The following RAP1GAP2 variants were observed in gnomAD, a reference collection of about 807,000 sequenced individuals.
RAP1GAP2 encodes the protein RAP1 GTPase activating protein 2.
Under a neutral mutation model 95.0 loss-of-function variants are expected in RAP1GAP2, and 27 were observed. The ratio of observed to expected loss-of-function variants is 0.28; its 90% confidence interval spans 0.21 to 0.39. The LOEUF (loss-of-function observed/expected upper bound fraction) is 0.39, where lower values mean the gene tolerates loss of function less well. Ranked by LOEUF, RAP1GAP2 falls within the 10% of genes least tolerant of loss-of-function variation. The pLI, the probability that RAP1GAP2 is intolerant of heterozygous loss-of-function variation, is 1.00. For missense variants in RAP1GAP2, 771 were observed against 970.0 expected, an observed-to-expected ratio of 0.79 and a Z score of 2.72; for synonymous variants, 373 against 380.9, an observed-to-expected ratio of 0.98 and a Z score of 0.24.
chr17:2,824,424 G>A (rs2070449228), intron 2 of RAP1GAP2, among the ~76,000 whole-genome samples: 1 of 147,292 alleles, frequency 6.8e-6, no homozygotes, highest in Non-Finnish European at 1.5e-5. Flanking sequence ...TCCAGCCTGG[G>A]TGACAGAGCT....
chr17:3,015,956 G>A (rs191502360), intron 17 of RAP1GAP2, among the ~76,000 whole-genome samples: 5 of 152,244 alleles, frequency 3.3e-5, no homozygotes, highest in East Asian at 1.9e-4. Context: ...GAAGGGGAGC[G>A]GGGCCCACAC....
At chr17:3,022,837 C>G (rs2047001721) in intron 19 of RAP1GAP2, among the ~76,000 whole-genome samples, 1 of 152,154 alleles carries the variant, frequency 6.6e-6, no homozygotes, top group Non-Finnish European at 1.5e-5. Context: ...AGCATTTCCC[C>G]AATGTTTTCT....
rs927804740 is a variant in RAP1GAP2, at chr17:2,902,132, C to T, written c.81-3152C>T. Among the ~76,000 whole-genome samples the T allele has an allele frequency of 1.3e-5, 2 of 152,174 alleles. No individual in the cohort carries two copies. The highest frequency in any genetic ancestry group is 4.8e-5 in the African/African-American group (2 of 41,442). ...GGCGGGGTCGGCAAGCCTCAGCATG[C>T]GTTGGCTTGCAGCCGCATCACTCCT... is the stretch of plus-strand genomic sequence containing the variant. On this transcript the variant is annotated intron_variant, in intron 2 of 24. Coordinates refer to ENST00000254695, the MANE Select transcript of RAP1GAP2 (RefSeq NM_015085.5). This position sits in a 1 kb window ranked among gnomAD's most constrained non-coding sequence, Gnocchi z 4.1.
chr17:2,824,988 A>G lies in RAP1GAP2; in HGVS notation c.80+24438A>G, dbSNP rs368850694. 3.3e-3 allele frequency among the ~76,000 whole-genome samples: 508 copies of G among 152,218 alleles called. 3 individuals carry two copies. The highest frequency in any genetic ancestry group is 0.012 in the African/African-American group (483 of 41,574). On this transcript the variant is annotated intron_variant, in intron 2 of 24. Coordinates refer to ENST00000254695, the MANE Select transcript of RAP1GAP2 (RefSeq NM_015085.5). ...GAGACAAGGTGTTGCTCTGTCCCCC[A>G]GGCTGGAGTGCAGTGGCATAATTGT...
chr17:2,791,762 TGCTGAGAGTCA>T (rs2068930737), upstream of RAP1GAP2, among the ~76,000 whole-genome samples: 1 of 152,082 alleles, frequency 6.6e-6, no homozygotes, highest in Non-Finnish European at 1.5e-5. Context: ...CCCCGCTGGC[TGCTGAGAGTCA>T]GCTGAGCTCT....
At position 3,005,311 on chromosome 17, in the gene RAP1GAP2, G is replaced by T; in HGVS notation, c.1201-58G>T. ...TAGCTTTGTAAGGAGCGTGGCTCCC[G>T]TAGGGGCAGCGCTCGTCTCTTCCCT... On this transcript the variant is annotated intron_variant, in intron 14 of 24. Coordinates refer to ENST00000254695, the MANE Select transcript of RAP1GAP2 (RefSeq NM_015085.5). The surrounding 1 kb of genome is among the most constrained non-coding windows in gnomAD (Gnocchi z 5.2). 1.3e-6 allele frequency: 2 copies of T among 1,522,730 alleles called. No homozygotes were observed. Among genetic ancestry groups the T allele is most frequent in the Non-Finnish European group, 1.8e-6 (2 of 1,096,774 alleles). The allele number at this position is 1,522,730 out of a possible 1,614,324, so 94.3% of individuals were successfully genotyped here. A position where few individuals can be genotyped will look rare whatever the true frequency, so the allele number is the denominator to read the frequency against.
At chr17:2,820,061 G>A (rs890914743) in intron 2 of RAP1GAP2, among the ~76,000 whole-genome samples, 3 of 152,122 alleles carry the variant, frequency 2.0e-5, no homozygotes, top group Non-Finnish European at 2.9e-5. Flanking sequence ...GATTACAGGC[G>A]GGAGCCACCA....
At chr17:2,956,467 C>T (rs1333224756) in intron 3 of RAP1GAP2, among the ~76,000 whole-genome samples, 1 of 152,182 alleles carries the variant, frequency 6.6e-6, no homozygotes, top group African/African-American at 2.4e-5. Flanking sequence ...CAGTTCTGGC[C>T]CATGGGTGCC....
chr17:2,760,199 A>G (rs1223406911), intron 1 of RAP1GAP2, among the ~76,000 whole-genome samples: 1 of 132,564 alleles, frequency 7.5e-6, no homozygotes, highest in African/African-American at 2.8e-5. Context: ...AGGCTGAGGC[A>G]GGAGAATGGT....
At chr17:2,885,470 T>C (rs2073462229) in intron 2 of RAP1GAP2, among the ~76,000 whole-genome samples, 1 of 152,184 alleles carries the variant, frequency 6.6e-6, no homozygotes, top group Non-Finnish European at 1.5e-5. Flanking sequence ...CAGGAGCTGT[T>C]CAGAGGCTAG....
chr17:2,760,578 T>A (rs947904422), intron 1 of RAP1GAP2, among the ~76,000 whole-genome samples: 3 of 151,042 alleles, frequency 2.0e-5, no homozygotes, highest in African/African-American at 4.8e-5. Context: ...TGACCTCAGG[T>A]GATCCATCGA....
chr17:2,780,719 A>G (rs2068626719), intron 1 of RAP1GAP2, among the ~76,000 whole-genome samples: 2 of 152,262 alleles, frequency 1.3e-5, no homozygotes, highest in South Asian at 4.1e-4. Flanking sequence ...CGCCGTCTTC[A>G]TTACAGCCAT....
At position 2,886,633 on chromosome 17, in the gene RAP1GAP2, C is replaced by T. The variant is rs191462296; in HGVS notation, c.81-18651C>T. On this transcript the variant is annotated intron_variant, in intron 2 of 24. Transcript: ENST00000254695. ...ATAACTTTCTCTTAGAAAAACATAA[C>T]GCCTGTCTCAGGCGCTTTCCCACGC... Among the ~76,000 whole-genome samples, 369 of 152,314 alleles carry T rather than the reference C, an allele frequency of 2.4e-3. 2 individuals are homozygous for T. Among genetic ancestry groups the T allele is most frequent in the East Asian group, 6.7e-3 (35 of 5,188 alleles).
In RAP1GAP2 at chr17:2,903,900, C is replaced by T. The variant is rs1388138721; in HGVS notation, c.81-1384C>T. Among the ~76,000 whole-genome samples the T allele has an allele frequency of 6.6e-6, 1 of 152,068 alleles. No homozygotes were observed. The highest frequency in any genetic ancestry group is 2.4e-5 in the African/African-American group (1 of 41,412). Reference sequence around the variant, plus strand: ...GGGCCTGGAAACCTGGAGGGCTGGGCTCTGTAGGGAGGGTGGGTTTCTGTC... The same window carrying T: ...GGGCCTGGAAACCTGGAGGGCTGGGTTCTGTAGGGAGGGTGGGTTTCTGTC... On this transcript the variant is annotated intron_variant, in intron 2 of 24. Coordinates refer to ENST00000254695, the MANE Select transcript of RAP1GAP2 (RefSeq NM_015085.5). This position sits in a 1 kb window ranked among gnomAD's most constrained non-coding sequence, Gnocchi z 4.1.
rs559400220 is a variant in RAP1GAP2 at position 3,027,188 on chromosome 17, T to G, written c.2107+118T>G. The G allele has an allele frequency of 3.8e-6, 5 of 1,307,004 alleles. No homozygotes were observed. The highest frequency in any genetic ancestry group is 1.5e-5 in the South Asian group (1 of 64,702). 81.0% of individuals were successfully genotyped at this position (1,307,004 alleles called of 1,614,324 possible). ...CAGTTTTCACCCCTCCTCCCAGCTG[T>G]GAGGCCCTCCGCTCTGTGCGCCCGC... On this transcript the variant is annotated intron_variant, in intron 22 of 24. Coordinates refer to ENST00000254695, the MANE Select transcript of RAP1GAP2 (RefSeq NM_015085.5). This position sits in a 1 kb window ranked among gnomAD's most constrained non-coding sequence, Gnocchi z 5.2.
At chr17:2,804,279 G>A (rs1597340426) in intron 2 of RAP1GAP2, among the ~76,000 whole-genome samples, 1 of 152,222 alleles carries the variant, frequency 6.6e-6, no homozygotes, top group African/African-American at 2.4e-5. Context: ...TGGCCTCACC[G>A]TTATGAAGCA....
intron 2 of RAP1GAP2, among the ~76,000 whole-genome samples, chr17:2,889,156 G>T (rs1048258086): frequency 1.3e-5 from 2 of 152,068 alleles, no homozygotes; most frequent in African/African-American, 4.8e-5. Context: ...AGGACCCTCC[G>T]TGCTGTGTTC....
intron 2 of RAP1GAP2, among the ~76,000 whole-genome samples, chr17:2,803,800 A>G (rs2069400646): frequency 6.6e-6 from 1 of 152,138 alleles, no homozygotes; most frequent in African/African-American, 2.4e-5. Flanking sequence ...AGTCGCTTGA[A>G]CCCAGGAGGT....
At chr17:3,021,402 C>T (rs1033431634) in intron 19 of RAP1GAP2, among the ~76,000 whole-genome samples, 1 of 150,576 alleles carries the variant, frequency 6.6e-6, no homozygotes, top group African/African-American at 2.4e-5. Flanking sequence ...TTAGCTCCCA[C>T]ATATGAATGA....
Sources: allele counts gnomAD v4.1 joint callset (sites outside exome capture counted in the v4.1 genomes callset), GRCh38; gene constraint gnomAD v4.1.1; non-coding constraint Gnocchi (gnomAD v3.1); transcripts MANE v1.5; gene names NCBI Gene and HGNC (gene_info 2026-07-23, HGNC 2026-07-21).